Variants in TRPM7 observed in about 807,000 individuals in gnomAD.
TRPM7 encodes the protein transient receptor potential cation channel subfamily M member 7.
Under a neutral mutation model 229.7 loss-of-function variants are expected in TRPM7, and 134 were observed. That is an observed-to-expected ratio of 0.58 (90% confidence interval 0.51 to 0.67). TRPM7 has a LOEUF of 0.67. TRPM7 is among the 30% of genes least tolerant of loss of function. TRPM7 has a pLI of 0.00. For missense variants in TRPM7, 1,901 were observed against 2,210.0 expected (o/e 0.86, Z 2.80); for synonymous variants, 699 against 715.2 (o/e 0.98, Z 0.36).
intron 13 of TRPM7, 62 bp downstream of exon 13, chr15:50,619,683 A>C: frequency 1.8e-5 from 23 of 1,310,446 alleles, no homozygotes; most frequent in Non-Finnish European, 2.4e-5. Flanking sequence ...TTTTTTAAAA[A>C]ACATGAAATA....
rs1339773428 is a variant in TRPM7 at position 50,558,456 on chromosome 15, G to A, written c.*3222C>T. 1.3e-5 allele frequency: 2 copies of A among 152,220 alleles called. No individual in the cohort carries two copies. Among genetic ancestry groups the A allele is most frequent in the Non-Finnish European group, 2.9e-5 (2 of 68,098 alleles). The allele number at this position is 152,220 out of a possible 1,614,324, so 9.4% of individuals were successfully genotyped here. A position where few individuals can be genotyped will look rare whatever the true frequency, so the allele number is the denominator to read the frequency against. On this transcript the variant is annotated 3_prime_UTR_variant, in exon 39 of 39. Coordinates refer to ENST00000646667, the MANE Select transcript of TRPM7 (RefSeq NM_017672.6). ...ACCTATAATCCCAGTACTTTGGGTAGCCGGGGGAGGTGGATCACTTGAGGT... is the reference window on the plus strand; with the variant it reads ...ACCTATAATCCCAGTACTTTGGGTAACCGGGGGAGGTGGATCACTTGAGGT...
intron 12 of TRPM7, among the ~76,000 whole-genome samples, chr15:50,620,513 T>C (rs1028127019): frequency 6.6e-6 from 1 of 152,218 alleles, no homozygotes; most frequent in African/African-American, 2.4e-5. Flanking sequence ...ATTATTTCTT[T>C]GGAGAAAAAG....
chr15:50,605,444 C>T (rs949323098), intron 20 of TRPM7, among the ~76,000 whole-genome samples: 4 of 152,152 alleles, frequency 2.6e-5, no homozygotes, highest in Non-Finnish European at 5.9e-5. Context: ...TGTTTTATTT[C>T]AAATTAAGGC....
At chr15:50,619,977 C>T (rs1448262013) in intron 12 of TRPM7, among the ~76,000 whole-genome samples, 179 bp from the exon 13 acceptor site, 1 of 152,114 alleles carries the variant, frequency 6.6e-6, no homozygotes, top group Admixed American at 6.6e-5. Flanking sequence ...AACAAATAAT[C>T]TTAAGAGTAT....
intron 5 of TRPM7, among the ~76,000 whole-genome samples, chr15:50,642,486 A>G (rs969579537): frequency 1.3e-5 from 2 of 152,196 alleles, no homozygotes; most frequent in African/African-American, 4.8e-5. Flanking sequence ...TAACTGAATC[A>G]TGGGGGCGGT....
chr15:50,641,775 G>A (rs981312020), intron 5 of TRPM7, among the ~76,000 whole-genome samples: 7 of 152,050 alleles, frequency 4.6e-5, no homozygotes, highest in Non-Finnish European at 8.8e-5. Flanking sequence ...CTAGGCGGGC[G>A]GATCACCTGA....
chr15:50,630,262 GATATAA>G (rs66548273), intron 10 of TRPM7, among the ~76,000 whole-genome samples: 49,699 of 151,554 alleles, frequency 0.33, 9,892 homozygotes, highest in Admixed American at 0.47. Context: ...GATTCCAGAT[GATATAA>G]ATATATTTTA....
chr15:50,650,568 G>A (rs950381880), intron 3 of TRPM7, among the ~76,000 whole-genome samples: 23 of 152,044 alleles, frequency 1.5e-4, no homozygotes, highest in African/African-American at 5.3e-4. Context: ...GGTGGCGTAC[G>A]CTTGTAGTCC....
At chr15:50,682,993 C>T (rs1374567725) in intron 1 of TRPM7, among the ~76,000 whole-genome samples, 2 of 151,848 alleles carry the variant, frequency 1.3e-5, no homozygotes, top group Non-Finnish European at 2.9e-5. Flanking sequence ...AGCCATCCTC[C>T]CACCTCAGCC....
In TRPM7 at chr15:50,565,920, T is replaced by A. The variant is rs575819344; in HGVS notation, c.5467+3967A>T. ...CTCATTGCAACCTCTGCCTCCCAGG[T>A]CCCAGTGATTCTCCTGCCTTGGCTT... On this transcript the variant is annotated intron_variant, in intron 38 of 38. Coordinates refer to ENST00000646667, the MANE Select transcript of TRPM7 (RefSeq NM_017672.6). Among the ~76,000 whole-genome samples, 6 of 151,876 alleles carry A rather than the reference T, an allele frequency of 4.0e-5. No individual in the cohort carries two copies. The East Asian group carries it at 1.2e-3, about 29-fold the overall frequency.
At chr15:50,632,746 T>C in intron 9 of TRPM7, 123 bp downstream of exon 9, 2 of 931,694 alleles carry the variant, frequency 2.1e-6, no homozygotes, top group East Asian at 3.0e-5. Context: ...TTTTTATGGT[T>C]AATAAAGATT....
chr15:50,613,888 A>G (rs746652957), intron 14 of TRPM7, 47 bp from the exon 15 acceptor site: 3 of 1,582,196 alleles, frequency 1.9e-6, no homozygotes, highest in Admixed American at 3.9e-5. Flanking sequence ...ACGTGCTGAC[A>G]TGTTATAAAA....
intron 1 of TRPM7, among the ~76,000 whole-genome samples, chr15:50,669,340 C>T (rs2061943281): frequency 6.6e-6 from 1 of 151,982 alleles, no homozygotes; most frequent in African/African-American, 2.4e-5. Context: ...GAAGCTGAAG[C>T]AGCAGAACCA....
chr15:50,647,427 GACCTA>G (rs557296153), intron 4 of TRPM7, among the ~76,000 whole-genome samples: 298 of 152,088 alleles, frequency 2.0e-3, no homozygotes, highest in Middle Eastern at 3.4e-3. Flanking sequence ...CACCGTGCCT[GACCTA>G]TAATATTCTT....
intron 22 of TRPM7, among the ~76,000 whole-genome samples, chr15:50,597,855 G>C (rs1006140521): frequency 2.0e-5 from 3 of 152,024 alleles, no homozygotes; most frequent in African/African-American, 7.2e-5. Flanking sequence ...GAAGACAGAG[G>C]TTGCAGTGAG....
chr15:50,660,135 TACG>T (rs1406877686), intron 2 of TRPM7, among the ~76,000 whole-genome samples: 20 of 152,194 alleles, frequency 1.3e-4, no homozygotes, highest in African/African-American at 4.8e-4. Context: ...AGAAATGTGA[TACG>T]ATGTTGTAAT....
At chr15:50,679,437 A>G (rs1001040329) in intron 1 of TRPM7, among the ~76,000 whole-genome samples, 3 of 141,518 alleles carry the variant, frequency 2.1e-5, no homozygotes, top group African/African-American at 8.2e-5. Flanking sequence ...ACTTTTGTTG[A>G]TACATTCATG....
Position 50,686,680 on chromosome 15 carries a change from T to C in TRPM7, c.-147A>G, listed in dbSNP as rs1247769196. Reference sequence around the variant, plus strand: ...CCAGGGAAACCTTCTCAGAACTAACTCAGCTCCGGCGCTAGCAGCAGAAGC... The same window carrying C: ...CCAGGGAAACCTTCTCAGAACTAACCCAGCTCCGGCGCTAGCAGCAGAAGC... On this transcript the variant is annotated 5_prime_UTR_variant, in exon 1 of 39. Coordinates refer to ENST00000646667, the MANE Select transcript of TRPM7 (RefSeq NM_017672.6). The C allele has an allele frequency of 1.8e-5, 19 of 1,054,568 alleles. 1 individual carries two copies. Among genetic ancestry groups the C allele is most frequent in the Non-Finnish European group, 2.4e-5 (18 of 743,966 alleles). The allele number at this position is 1,054,568 out of a possible 1,614,324, so 65.3% of individuals were successfully genotyped here.
chr15:50,637,469 A>G lies in TRPM7; in HGVS notation c.785T>C (p.Leu262Pro), dbSNP rs752361557. The G allele has an allele frequency of 3.7e-6, 6 of 1,613,444 alleles. No individual in the cohort carries two copies. Among genetic ancestry groups the G allele is most frequent in the Non-Finnish European group, 5.1e-6 (6 of 1,179,896 alleles). ...AATAGTTTTTTCAAGTTCTCTTCTC[A>G]GTCTGACTTCCGCCCCATACTTTCC... ...TVGKYGAEVR[L>P]RRELEKTINQ... The change falls in exon 7 of 39, where the codon CTG (leucine) becomes CCG (proline). Residue 262 changes from leucine to proline, a missense_variant. By Grantham distance (98) the Leu-to-Pro change is moderately conservative (BLOSUM62 -3). Coordinates refer to ENST00000646667, the MANE Select transcript of TRPM7 (RefSeq NM_017672.6).
Sources: gnomAD v4.1 joint callset for allele counts (sites outside exome capture counted in the v4.1 genomes callset) on GRCh38, gnomAD v4.1.1 for gene constraint, MANE v1.5 for transcripts, NCBI Gene and HGNC (gene_info 2026-07-23, HGNC 2026-07-21) for gene names.